Variants in DGKI observed in about 807,000 individuals in gnomAD.
DGKI encodes the protein diacylglycerol kinase iota.
In DGKI, 55 loss-of-function variants were observed where a neutral mutation model predicts 147.5. The ratio of observed to expected loss-of-function variants is 0.37; its 90% CI spans 0.30 to 0.47. DGKI has a LOEUF of 0.47. Among genes scored for constraint, DGKI ranks in the 20% least tolerant of loss-of-function variants. The pLI is 1.00. For synonymous variants in DGKI, 469 were observed against 477.1 expected (o/e 0.98, Z 0.22); for missense variants, 1,007 against 1,323.8 (o/e 0.76, Z 3.71).
At chr7:137,638,648 G>GTGTGTACA (rs1563126099) in intron 6 of DGKI, among the ~76,000 whole-genome samples, 119 of 3,840 alleles carry the variant, frequency 0.031, 25 homozygotes, top group African/African-American at 0.06. Context: ...ATATGTGTAT[G>GTGTGTACA]TATATACACA....
intron 8 of DGKI, among the ~76,000 whole-genome samples, chr7:137,612,565 G>T (rs1820401050): frequency 6.6e-6 from 1 of 152,004 alleles, no homozygotes; most frequent in Non-Finnish European, 1.5e-5. Context: ...GGCAGATTTT[G>T]TATATGTTTT....
intron 28 of DGKI, among the ~76,000 whole-genome samples, chr7:137,417,564 G>A (rs2128904205): frequency 6.6e-6 from 1 of 152,248 alleles, no homozygotes; most frequent in South Asian, 2.1e-4. Flanking sequence ...AGACATCCAT[G>A]TGCGGAAGGA....
At chr7:137,808,448 C>T in intron 1 of DGKI, among the ~76,000 whole-genome samples, 1 of 152,166 alleles carries the variant, frequency 6.6e-6, no homozygotes, top group East Asian at 1.9e-4. Flanking sequence ...CTCCAAAGCC[C>T]AGACTCAACC....
chr7:137,756,207 A>T (rs1234771665), intron 1 of DGKI, among the ~76,000 whole-genome samples: 3 of 152,188 alleles, frequency 2.0e-5, no homozygotes, highest in Admixed American at 6.5e-5. Context: ...AGTGGATCTC[A>T]TCAATAATCC....
At chr7:137,774,911 G>C (rs896253709) in intron 1 of DGKI, 4 of 152,190 alleles carry the variant, frequency 2.6e-5, no homozygotes, top group Non-Finnish European at 5.9e-5. Context: ...GGACTGTTAT[G>C]AGTGGCTGCT....
At chr7:137,517,585 C>G (rs533570661) in intron 21 of DGKI, among the ~76,000 whole-genome samples, 1 of 152,076 alleles carries the variant, frequency 6.6e-6, no homozygotes, top group East Asian at 1.9e-4. Context: ...CCTTGACAAA[C>G]GCACCATGGT....
intron 1 of DGKI, among the ~76,000 whole-genome samples, chr7:137,745,272 G>GAGT (rs1221808670): frequency 6.6e-6 from 1 of 152,180 alleles, no homozygotes; most frequent in Non-Finnish European, 1.5e-5. Context: ...GGAAGGCAGT[G>GAGT]AGTACCTCTC....
chr7:137,596,001 CAAAAAAAAAAAAAAAAAAAA>C (rs71177914), intron 12 of DGKI, among the ~76,000 whole-genome samples: 1 of 44,364 alleles, frequency 2.3e-5, no homozygotes, highest in Admixed American at 4.4e-4. Flanking sequence ...GACTCCGTCT[CAAAAAAAAAAAAAAAAAAAA>C]AAAAAAAAAA....
Position 137,587,226 on chromosome 7 carries a change from G to C in DGKI, c.1312-16C>G, listed in dbSNP as rs1819439005. 1 of 1,579,092 alleles carries C rather than the reference G, an allele frequency of 6.3e-7. No homozygotes were observed. Among genetic ancestry groups the C allele is most frequent in the Non-Finnish European group, 8.6e-7 (1 of 1,164,648 alleles). On this transcript the variant is annotated splice_polypyrimidine_tract_variant and intron_variant, in intron 12 of 32. Coordinates refer to ENST00000614521, the MANE Select transcript of DGKI (RefSeq NM_001321708.2). ...TCCAGCCCACCTACAGGCGTATCGG[G>C]GGCCAGAAGAGATATAAGAAAGATA...
At chr7:137,771,950 TG>T (rs1242221022) in intron 1 of DGKI, 2 of 152,238 alleles carry the variant, frequency 1.3e-5, no homozygotes, top group African/African-American at 4.8e-5. Flanking sequence ...TGTGGGCTTC[TG>T]GAAATAACGT....
At chr7:137,729,394 G>A (rs1794804557) in intron 1 of DGKI, among the ~76,000 whole-genome samples, 1 of 152,044 alleles carries the variant, frequency 6.6e-6, no homozygotes, top group Non-Finnish European at 1.5e-5. Context: ...CCACACTTCA[G>A]GTCAGGAAAC....
At chr7:137,415,266 AAAT>A (rs1219092237) in intron 28 of DGKI, among the ~76,000 whole-genome samples, 2 of 152,220 alleles carry the variant, frequency 1.3e-5, no homozygotes, top group Non-Finnish European at 2.9e-5. Flanking sequence ...AACATTCAAA[AAAT>A]AATAATAATG....
intron 28 of DGKI, among the ~76,000 whole-genome samples, chr7:137,423,789 T>C (rs1812672722): frequency 6.6e-6 from 1 of 152,208 alleles, no homozygotes; most frequent in Non-Finnish European, 1.5e-5. Flanking sequence ...ACGGCAAAAG[T>C]GTACAATTAA....
At chr7:137,516,679 T>C (rs1156707373) in intron 21 of DGKI, among the ~76,000 whole-genome samples, 1 of 152,088 alleles carries the variant, frequency 6.6e-6, no homozygotes, top group African/African-American at 2.4e-5. Flanking sequence ...TGTTGGATTT[T>C]CTAGTTTCAT....
chr7:137,516,219 T>C (rs1816740360), intron 21 of DGKI, among the ~76,000 whole-genome samples: 1 of 152,172 alleles, frequency 6.6e-6, no homozygotes, highest in Non-Finnish European at 1.5e-5. Context: ...ATACTCATTA[T>C]GAATGATGTT....
intron 20 of DGKI, chr7:137,546,062 A>C: frequency 1.6e-6 from 1 of 611,824 alleles, no homozygotes; most frequent in Non-Finnish European, 3.0e-6. Flanking sequence ...ACAAAATTTA[A>C]ACAGAAATTA....
chr7:137,601,081 C>T (rs1330479153), intron 10 of DGKI, among the ~76,000 whole-genome samples: 6 of 151,226 alleles, frequency 4.0e-5, no homozygotes, highest in South Asian at 2.1e-4. Flanking sequence ...ACCATCCTGG[C>T]GAACACAGTG....
At chr7:137,418,556 T>G (rs1812445286) in intron 28 of DGKI, among the ~76,000 whole-genome samples, 1 of 152,224 alleles carries the variant, frequency 6.6e-6, no homozygotes, top group African/African-American at 2.4e-5. Context: ...ATAAAGCAAC[T>G]GAAATAACTA....
chr7:137,534,905 G>C (rs139980496), intron 20 of DGKI, among the ~76,000 whole-genome samples: 1,595 of 152,216 alleles, frequency 0.01, 29 homozygotes, highest in African/African-American at 0.036. Flanking sequence ...TTAGAGTGGA[G>C]CCTAATCCAA....
Sources: allele counts gnomAD v4.1 joint callset (sites outside exome capture counted in the v4.1 genomes callset), GRCh38; gene constraint gnomAD v4.1.1; transcripts MANE v1.5; gene names NCBI Gene and HGNC (gene_info 2026-07-23, HGNC 2026-07-21).